The following PINX1 variants were observed in gnomAD, a reference collection of about 807,000 sequenced individuals.
PINX1 encodes the protein PIN2 (TERF1) interacting telomerase inhibitor 1.
Under a neutral mutation model 25.4 loss-of-function variants are expected in PINX1, and 34 were observed. The observed-to-expected ratio is 1.34, with a 90% CI of 1.02 to 1.78. The LOEUF is 1.78. Ranked by LOEUF, PINX1 falls within the 40% of genes most tolerant of loss-of-function variation. The pLI, the probability that PINX1 is intolerant of heterozygous loss-of-function variation, is 0.00. For missense variants in PINX1, 592 were observed against 404.9 expected, an observed-to-expected ratio of 1.46 and a Z score of -3.97; for synonymous variants, 197 against 147.7, an observed-to-expected ratio of 1.33 and a Z score of -2.42.
chr8:10,819,078 C>T (rs1797787413), intron 6 of PINX1, among the ~76,000 whole-genome samples: 1 of 152,210 alleles, frequency 6.6e-6, no homozygotes, highest in South Asian at 2.1e-4. Context: ...TATCCCGTGA[C>T]TCAGCATAGT....
chr8:10,836,987 C>T (rs1798424779), intron 1 of PINX1, among the ~76,000 whole-genome samples: 1 of 152,178 alleles, frequency 6.6e-6, no homozygotes, highest in Non-Finnish European at 1.5e-5. Context: ...ATTCTCATGC[C>T]ACAGTCTGTT....
At chr8:10,837,669 G>A (rs1416058433) in intron 1 of PINX1, among the ~76,000 whole-genome samples, 2 of 152,056 alleles carry the variant, frequency 1.3e-5, no homozygotes, top group African/African-American at 2.4e-5. Context: ...ACTGTAAATG[G>A]GTCTGTCGGG....
chr8:10,832,925 GTTAT>G lies in PINX1; in HGVS notation c.185_188del (p.Asn62ThrfsTer29). On this transcript the variant is annotated frameshift_variant, in exon 3 of 7. Transcript: ENST00000314787. LOFTEE classifies it high-confidence loss of function. ...TGATGGTAGCTCCGAGTCCCAGGTG[GTTAT>G]TTTTCACTTGAACTTTAATATGATC... 6.2e-7 allele frequency: 1 copy of G among 1,612,116 alleles called. No homozygotes were observed. The highest frequency in any genetic ancestry group is 8.5e-7 in the Non-Finnish European group (1 of 1,178,714).
chr8:10,829,696 T>A (rs1456633780), intron 4 of PINX1, among the ~76,000 whole-genome samples: 6 of 151,986 alleles, frequency 3.9e-5, no homozygotes, highest in Non-Finnish European at 7.4e-5. Context: ...CATTCTTTTT[T>A]TTTTTGGAGA....
chr8:10,774,630 G>C (rs1272664776), intron 6 of PINX1, among the ~76,000 whole-genome samples: 1 of 152,182 alleles, frequency 6.6e-6, no homozygotes, highest in African/African-American at 2.4e-5. Flanking sequence ...ACTAGGAATA[G>C]GGTATGCATA....
chr8:10,831,789 T>G lies in PINX1; in HGVS notation c.223-46A>C, dbSNP rs750236993. ...AACGAGAGGTAAGCCTGTAGTTTAC[T>G]TACACTGACTGAGATGATACATTTT... On this transcript the variant is annotated intron_variant, in intron 3 of 6. Coordinates refer to ENST00000314787, the MANE Select transcript of PINX1 (RefSeq NM_017884.6). 1.3e-5 allele frequency: 14 copies of G among 1,048,582 alleles called. No individual in the cohort carries two copies. In the Admixed American group the frequency reaches 1.4e-4, roughly 10 times the overall value. The allele number at this position is 1,048,582 out of a possible 1,614,324, so 65.0% of individuals were successfully genotyped here.
rs147959720 is a variant in PINX1 at position 10,775,728 on chromosome 8, T to C, written c.472-9812A>G. ...TGGCAATGACCTGGCTGTCAGAAGA[T>C]TGGAAGCACAACTGACAGAACATGT... On this transcript the variant is annotated intron_variant, in intron 6 of 6. Transcript: ENST00000314787. Among the ~76,000 whole-genome samples, 1,122 of 152,278 alleles carry C rather than the reference T, an allele frequency of 7.4e-3. 14 individuals carry two copies. The highest frequency in any genetic ancestry group is 0.025 in the African/African-American group (1,039 of 41,554).
chr8:10,807,012 T>C (rs890361732), intron 6 of PINX1, among the ~76,000 whole-genome samples: 9 of 152,136 alleles, frequency 5.9e-5, no homozygotes, highest in African/African-American at 2.2e-4. Flanking sequence ...TAATTGACTG[T>C]TAAATTACAG....
intron 6 of PINX1, among the ~76,000 whole-genome samples, chr8:10,769,746 C>T (rs1453123096): frequency 6.6e-6 from 1 of 152,208 alleles, no homozygotes; most frequent in South Asian, 2.1e-4. Context: ...TGGAACACAG[C>T]AGGAGAGAGA....
chr8:10,765,351 C>G lies in PINX1; in HGVS notation c.*50G>C. On this transcript the variant is annotated 3_prime_UTR_variant, in exon 7 of 7. Transcript: ENST00000314787. ...GACTTCAGGCCAGAGGTGTCTGCCC[C>G]CGCAGTGCCCTGACAGCTGAGTGGT... 1 of 1,497,766 alleles carries G rather than the reference C, an allele frequency of 6.7e-7. No homozygotes were observed. 92.8% of individuals were successfully genotyped at this position (1,497,766 alleles called of 1,614,324 possible). A position where few individuals can be genotyped will look rare whatever the true frequency, so the allele number is the denominator to read the frequency against.
In PINX1 at chr8:10,835,071, T is replaced by C. The variant is rs1033203981; in HGVS notation, c.20-296A>G. 7.4e-4 allele frequency among the ~76,000 whole-genome samples: 112 copies of C among 152,182 alleles called. 1 individual carries two copies. Among genetic ancestry groups the C allele is most frequent in the African/African-American group, 1.2e-4 (5 of 41,448 alleles). The stretch of plus-strand genomic sequence containing the variant: ...TATACTAGAGCTGGGCCTTCCATAC[T>C]CCGCCATCAGCACAACTGAAAGCAC... On this transcript the variant is annotated intron_variant, in intron 1 of 6. Coordinates refer to ENST00000314787, the MANE Select transcript of PINX1 (RefSeq NM_017884.6).
intron 6 of PINX1, among the ~76,000 whole-genome samples, chr8:10,799,421 T>C (rs1802195053): frequency 6.6e-6 from 1 of 152,340 alleles, no homozygotes; most frequent in African/African-American, 2.4e-5. Flanking sequence ...CAGACGTGTC[T>C]GCTCCTGTTT....
intron 4 of PINX1, among the ~76,000 whole-genome samples, chr8:10,829,044 T>C (rs1289564725): frequency 6.6e-6 from 1 of 152,154 alleles, no homozygotes; most frequent in Non-Finnish European, 1.5e-5. Flanking sequence ...CCCCAGCACC[T>C]TGAGAGGCTG....
intron 6 of PINX1, among the ~76,000 whole-genome samples, chr8:10,793,846 C>A (rs1802000845): frequency 1.3e-5 from 2 of 152,088 alleles, no homozygotes; most frequent in African/African-American, 4.8e-5. Context: ...ACTGAGGAGC[C>A]TCTTAGTATA....
chr8:10,771,628 A>C (rs1231414771), intron 6 of PINX1, among the ~76,000 whole-genome samples: 1 of 152,342 alleles, frequency 6.6e-6, no homozygotes, highest in East Asian at 1.9e-4. Context: ...GCACAAAGAC[A>C]CCAAACCCAG....
At chr8:10,821,873 A>G (rs1797888813) in intron 5 of PINX1, 1 of 152,274 alleles carries the variant, frequency 6.6e-6, no homozygotes, top group South Asian at 2.1e-4. Context: ...GGGATTAAGG[A>G]AGAGAGGGTA....
chr8:10,822,635 T>C (rs577657072), intron 5 of PINX1, among the ~76,000 whole-genome samples: 3 of 152,262 alleles, frequency 2.0e-5, no homozygotes, highest in Non-Finnish European at 4.4e-5. Context: ...GGAACATTAC[T>C]GCTATAGTCA....
At chr8:10,778,967 G>C (rs1275050939) in intron 6 of PINX1, among the ~76,000 whole-genome samples, 1 of 152,222 alleles carries the variant, frequency 6.6e-6, no homozygotes, top group Non-Finnish European at 1.5e-5. Context: ...AGCTTGCAGA[G>C]CGCCTCTGGG....
chr8:10,813,227 T>C (rs1333939047), intron 6 of PINX1, among the ~76,000 whole-genome samples: 1 of 151,772 alleles, frequency 6.6e-6, no homozygotes, highest in African/African-American at 2.4e-5. Context: ...AGATGTGGAG[T>C]GGGGGGAGGG....
Sources: gnomAD v4.1 joint callset for allele counts (sites outside exome capture counted in the v4.1 genomes callset) on GRCh38, gnomAD v4.1.1 for gene constraint, MANE v1.5 for transcripts, NCBI Gene and HGNC (gene_info 2026-07-23, HGNC 2026-07-21) for gene names.